FGF12: variants seen among roughly 807,000 people sequenced by gnomAD.
FGF12 encodes the protein fibroblast growth factor 12.
FGF12 carries 14 observed loss-of-function variants against 23.6 expected under a neutral mutation model. That is an observed-to-expected ratio of 0.59 (90% CI 0.39 to 0.93). The LOEUF (loss-of-function observed/expected upper bound fraction) is 0.93. Ranked by LOEUF, FGF12 falls within the 40% of genes least tolerant of loss-of-function variation. The pLI is 0.00. For synonymous variants in FGF12, 62 were observed against 77.3 expected (o/e 0.80, Z 1.04); for missense variants, 175 against 217.8 (o/e 0.80, Z 1.24).
At chr3:192,656,297 A>G (rs1278606907) in intron 2 of FGF12, among the ~76,000 whole-genome samples, 2 of 90,296 alleles carry the variant, frequency 2.2e-5, no homozygotes, top group Non-Finnish European at 5.3e-5. Context: ...ACACACACAC[A>G]CACACACACA....
At chr3:192,160,946 A>G (rs908127764) in intron 5 of FGF12, among the ~76,000 whole-genome samples, 2 of 152,146 alleles carry the variant, frequency 1.3e-5, no homozygotes, top group African/African-American at 4.8e-5. Context: ...TATACGGTAG[A>G]CAATATTTAT....
chr3:192,362,871 C>T (rs749094698), intron 2 of FGF12, among the ~76,000 whole-genome samples: 5 of 151,994 alleles, frequency 3.3e-5, no homozygotes, highest in Non-Finnish European at 7.4e-5. Flanking sequence ...ATTAACTGAG[C>T]TTGTAAAGCC....
At chr3:192,712,022 G>A (rs544608434) in intron 2 of FGF12, among the ~76,000 whole-genome samples, 17 of 149,624 alleles carry the variant, frequency 1.1e-4, no homozygotes, top group East Asian at 7.8e-4. Context: ...GAAATAAGAC[G>A]GCATAATATA....
chr3:192,211,694 T>A (rs927893023), intron 4 of FGF12, among the ~76,000 whole-genome samples: 42 of 152,164 alleles, frequency 2.8e-4, no homozygotes, highest in Non-Finnish European at 5.6e-4. Context: ...CCCAAAGTGC[T>A]GGGATTACAG....
chr3:192,345,796 A>C (rs1717932286), intron 3 of FGF12, among the ~76,000 whole-genome samples: 1 of 152,184 alleles, frequency 6.6e-6, no homozygotes, highest in African/African-American at 2.4e-5. Context: ...AAAACCTTAC[A>C]AGGAATGTTT....
intron 4 of FGF12, among the ~76,000 whole-genome samples, chr3:192,205,650 G>A (rs571214937): frequency 3.3e-5 from 5 of 152,318 alleles, no homozygotes; most frequent in Non-Finnish European, 7.4e-5. Context: ...AGAAGTTCTT[G>A]TAAAAATGTG....
rs567483990 is a variant in FGF12 at position 192,187,185 on chromosome 3, T to C, written c.229-16529A>G. Among the ~76,000 whole-genome samples the C allele has an allele frequency of 2.0e-5, 3 of 152,330 alleles. No homozygotes were observed. In the South Asian group the frequency reaches 6.2e-4, roughly 32 times the overall value. On this transcript the variant is annotated intron_variant, in intron 4 of 5. Transcript: ENST00000445105. The stretch of plus-strand genomic sequence containing the variant: ...TTTCTAGCATTCAATTTTGAAAAGC[T>C]GTATTTAAAACTACTGTGTGGGAGA...
At chr3:192,553,783 A>T (rs1049021005) in intron 2 of FGF12, among the ~76,000 whole-genome samples, 1 of 152,160 alleles carries the variant, frequency 6.6e-6, no homozygotes. Flanking sequence ...ACTAAAACAC[A>T]TCCAAAACTC....
At chr3:192,403,760 A>G (rs1035544535) in intron 2 of FGF12, among the ~76,000 whole-genome samples, 78 of 152,240 alleles carry the variant, frequency 5.1e-4, no homozygotes, top group African/African-American at 1.8e-3. Flanking sequence ...CATAAATCAC[A>G]TGATTAAACA....
At chr3:192,255,710 T>C (rs900480355) in intron 4 of FGF12, among the ~76,000 whole-genome samples, 1 of 152,094 alleles carries the variant, frequency 6.6e-6, no homozygotes, top group Non-Finnish European at 1.5e-5. Context: ...TGCCAAAGCT[T>C]AAACATAGTT....
At chr3:192,548,910 T>A (rs1217249365) in intron 2 of FGF12, among the ~76,000 whole-genome samples, 1 of 152,162 alleles carries the variant, frequency 6.6e-6, no homozygotes, top group South Asian at 2.1e-4. Context: ...CATTGCAATA[T>A]AACCCTGTCT....
chr3:192,588,349 CA>C (rs1201739223), intron 2 of FGF12, among the ~76,000 whole-genome samples: 18 of 66,980 alleles, frequency 2.7e-4, no homozygotes, highest in East Asian at 4.7e-4. Flanking sequence ...CAATCCGTCT[CA>C]AAAAAAAAAA....
At chr3:192,216,062 G>T (rs1269161471) in intron 4 of FGF12, among the ~76,000 whole-genome samples, 5 of 152,014 alleles carry the variant, frequency 3.3e-5, no homozygotes, top group African/African-American at 1.2e-4. Context: ...AGTTCACAAG[G>T]AGCTCAGATA....
rs1292753895 is a variant in FGF12 at position 192,612,154 on chromosome 3, G to A, written c.13+115027C>T. Among the ~76,000 whole-genome samples the A allele has an allele frequency of 2.6e-5, 4 of 152,142 alleles. No individual in the cohort carries two copies. In the East Asian group the frequency reaches 5.8e-4, roughly 22 times the overall value. Reference sequence around the variant, plus strand: ...TGGCCACGAAAACAAACCAGTCACAGTAGTAGAGAAATGGCTCTATTTTTA... The same window carrying A: ...TGGCCACGAAAACAAACCAGTCACAATAGTAGAGAAATGGCTCTATTTTTA... On this transcript the variant is annotated intron_variant, in intron 2 of 5. Transcript: ENST00000445105.
chr3:192,462,547 T>C (rs1342963132), intron 2 of FGF12, among the ~76,000 whole-genome samples: 16 of 152,168 alleles, frequency 1.1e-4, no homozygotes, highest in Admixed American at 7.2e-4. Context: ...TCAATCTCCA[T>C]AAGTGTAAGA....
At chr3:192,667,818 A>G (rs773392609) in intron 2 of FGF12, among the ~76,000 whole-genome samples, 1 of 152,052 alleles carries the variant, frequency 6.6e-6, no homozygotes, top group Non-Finnish European at 1.5e-5. Context: ...ATATTGACAC[A>G]TTTTGAACAT....
intron 2 of FGF12, among the ~76,000 whole-genome samples, chr3:192,678,929 C>T (rs1717420552): frequency 6.6e-6 from 1 of 152,126 alleles, no homozygotes; most frequent in Non-Finnish European, 1.5e-5. Flanking sequence ...GAAGACCTTG[C>T]TGGGCCTACT....
chr3:192,420,208 G>A (rs76018095), intron 2 of FGF12, among the ~76,000 whole-genome samples: 1,790 of 152,210 alleles, frequency 0.012, 36 homozygotes, highest in African/African-American at 0.041. Flanking sequence ...GGTCGGGGGT[G>A]GAAATCGTGC....
At chr3:192,374,232 CTG>C (rs1299254819) in intron 2 of FGF12, among the ~76,000 whole-genome samples, 2 of 152,152 alleles carry the variant, frequency 1.3e-5, no homozygotes, top group African/African-American at 2.4e-5. Context: ...TTTAGAATCT[CTG>C]TGTTTTCTTT....
Sources: gnomAD v4.1 joint callset for allele counts (sites outside exome capture counted in the v4.1 genomes callset) on GRCh38, gnomAD v4.1.1 for gene constraint, MANE v1.5 for transcripts, NCBI Gene and HGNC (gene_info 2026-07-23, HGNC 2026-07-21) for gene names.